GRIA4: variants seen among roughly 807,000 people sequenced by gnomAD.
The protein encoded by GRIA4 is glutamate ionotropic receptor AMPA type subunit 4.
GRIA4 carries 34 observed loss-of-function variants against 104.0 expected under a neutral mutation model. The ratio of observed to expected loss-of-function variants is 0.33; its 90% CI spans 0.25 to 0.44. GRIA4 has a LOEUF of 0.44. Among genes scored for constraint, GRIA4 ranks in the 20% least tolerant of loss-of-function variants. GRIA4 has a pLI of 1.00. For missense variants in GRIA4, 750 were observed against 1,096.5 expected (o/e 0.68, Z 4.46); for synonymous variants, 386 against 381.9 (o/e 1.01, Z -0.13).
chr11:105,843,830 A>G (rs925296673), intron 4 of GRIA4, among the ~76,000 whole-genome samples: 3 of 152,238 alleles, frequency 2.0e-5, no homozygotes, highest in African/African-American at 7.2e-5. Context: ...CTGCCTGGAT[A>G]CTTAAGACCT....
chr11:105,636,705 A>T (rs901261370), intron 3 of GRIA4, among the ~76,000 whole-genome samples: 7 of 152,192 alleles, frequency 4.6e-5, no homozygotes, highest in Non-Finnish European at 1.0e-4. Flanking sequence ...ATGCTTTGGA[A>T]AAAAAGGATG....
chr11:105,905,588 C>A (rs1479477614), intron 9 of GRIA4, among the ~76,000 whole-genome samples: 1 of 152,032 alleles, frequency 6.6e-6, no homozygotes, highest in Non-Finnish European at 1.5e-5. Flanking sequence ...TCCCACAAAA[C>A]AAAATTGGCT....
intron 6 of GRIA4, among the ~76,000 whole-genome samples, chr11:105,888,013 T>C (rs866562065): frequency 3.3e-5 from 5 of 152,288 alleles, no homozygotes; most frequent in Middle Eastern, 6.8e-3. Context: ...TTAAAAATTA[T>C]GTCAACTTTT....
intron 3 of GRIA4, among the ~76,000 whole-genome samples, chr11:105,669,539 T>C (rs556534696): frequency 6.6e-6 from 1 of 152,242 alleles, no homozygotes; most frequent in East Asian, 1.9e-4. Flanking sequence ...AAAGATCAGG[T>C]TCTCTTTTCA....
chr11:105,618,008 G>A (rs1011407688), intron 3 of GRIA4, among the ~76,000 whole-genome samples: 6 of 151,908 alleles, frequency 3.9e-5, no homozygotes, highest in African/African-American at 1.5e-4. Flanking sequence ...AGATCTAGTC[G>A]AGTCATTTGA....
intron 3 of GRIA4, among the ~76,000 whole-genome samples, chr11:105,710,628 T>G (rs1953877334): frequency 1.3e-5 from 2 of 152,166 alleles, no homozygotes; most frequent in Admixed American, 1.3e-4. Flanking sequence ...AGAAAGAGAA[T>G]GGGCCTTGGA....
intron 4 of GRIA4, among the ~76,000 whole-genome samples, chr11:105,783,786 G>A (rs1235763700): frequency 1.5e-5 from 2 of 136,392 alleles, no homozygotes; most frequent in East Asian, 2.2e-4. Context: ...GTGTGTGTGT[G>A]TATGTGTATG....
chr11:105,615,492 T>G (rs959707746), intron 3 of GRIA4, among the ~76,000 whole-genome samples: 6 of 151,798 alleles, frequency 4.0e-5, no homozygotes, highest in Admixed American at 3.9e-4. Context: ...TAATACAAAA[T>G]TATGACCTAT....
Position 105,612,321 on chromosome 11 carries a change from G to T in GRIA4, c.134G>T (p.Arg45Leu). ...RNTDQEYTAF[R>L]LAIFLHNTSP... ...ACAGATCAGGAATACACTGCTTTTC[G>T]ATTAGCAATTTTTCTTCATAACACC... The change falls in exon 3 of 17, where the codon CGA becomes CTA. Residue 45 changes from arginine (R) to leucine (L), a missense_variant. Around this residue, in one of 3 missense-constraint regions of GRIA4, gnomAD observed 410 missense variants for 502.7 expected, o/e 0.82. Coordinates refer to ENST00000282499, the MANE Select transcript of GRIA4 (RefSeq NM_000829.4). The T allele has an allele frequency of 6.2e-7, 1 of 1,614,034 alleles. No homozygotes were observed.
chr11:105,717,490 A>G (rs1426052072), intron 3 of GRIA4, among the ~76,000 whole-genome samples: 8 of 151,978 alleles, frequency 5.3e-5, no homozygotes, highest in Non-Finnish European at 1.2e-4. Context: ...AATTAATCCC[A>G]TGATATATGT....
chr11:105,693,386 T>A (rs543350525), intron 3 of GRIA4, among the ~76,000 whole-genome samples: 7 of 152,290 alleles, frequency 4.6e-5, no homozygotes, highest in South Asian at 2.1e-4. Context: ...ACTAATTTTT[T>A]AAAAATCTCT....
chr11:105,966,165 A>G lies in GRIA4; in HGVS notation c.2295-5749A>G. 3 of 745,950 alleles carry G rather than the reference A, an allele frequency of 4.0e-6. No homozygotes were observed. The East Asian group carries it at 7.8e-5, about 19-fold the overall frequency. The allele number at this position is 745,950 out of a possible 1,614,324, so 46.2% of individuals were successfully genotyped here. ...ACCTCCTAATACCAGTCGAATTGCTAGTCCAGTCCCTTCGCAAACTTACGT... is the reference window on the plus strand; with the variant it reads ...ACCTCCTAATACCAGTCGAATTGCTGGTCCAGTCCCTTCGCAAACTTACGT... On this transcript the variant is annotated intron_variant, in intron 14 of 16. Transcript: ENST00000282499.
In GRIA4 at chr11:105,856,648, G is replaced by C. The variant is rs148045077; in HGVS notation, c.488-5376G>C. 9.2e-5 allele frequency among the ~76,000 whole-genome samples: 14 copies of C among 152,170 alleles called. No homozygotes were observed. In the East Asian group the frequency reaches 2.5e-3, roughly 27 times the overall value. On this transcript the variant is annotated intron_variant, in intron 4 of 16. Coordinates refer to ENST00000282499, the MANE Select transcript of GRIA4 (RefSeq NM_000829.4). ...GTCCAAGTTAAAATCCCACTGCTTT[G>C]GATGAAGGGGTGAAGTAGTAGTAGA... is the stretch of plus-strand genomic sequence containing the variant.
intron 3 of GRIA4, among the ~76,000 whole-genome samples, chr11:105,721,530 T>TATA (rs1478637782): frequency 6.6e-6 from 1 of 152,196 alleles, no homozygotes; most frequent in Non-Finnish European, 1.5e-5. Context: ...AAGGATATTC[T>TATA]ATAATTGGAT....
At chr11:105,749,017 G>A (rs555211098) in intron 3 of GRIA4, among the ~76,000 whole-genome samples, 1 of 152,252 alleles carries the variant, frequency 6.6e-6, no homozygotes, top group East Asian at 1.9e-4. Context: ...AAGGCGGATC[G>A]AGAGAGAATT....
intron 13 of GRIA4, among the ~76,000 whole-genome samples, chr11:105,927,584 A>C (rs894402581): frequency 1.3e-5 from 2 of 152,110 alleles, no homozygotes; most frequent in Non-Finnish European, 2.9e-5. Context: ...ATACATGTAT[A>C]ATTGCATTAT....
chr11:105,659,051 A>G (rs1227799348), intron 3 of GRIA4, among the ~76,000 whole-genome samples: 2 of 152,026 alleles, frequency 1.3e-5, no homozygotes, highest in East Asian at 3.9e-4. Flanking sequence ...CACAGAAACA[A>G]AGCTAAAAAG....
intron 4 of GRIA4, among the ~76,000 whole-genome samples, chr11:105,818,377 G>A (rs956041492): frequency 2.0e-5 from 3 of 152,074 alleles, no homozygotes; most frequent in African/African-American, 7.2e-5. Flanking sequence ...GAGTGGCCTG[G>A]GTAACCTACT....
chr11:105,816,995 G>T (rs1407001359), intron 4 of GRIA4, among the ~76,000 whole-genome samples: 1 of 228 alleles, frequency 4.4e-3, no homozygotes, highest in Non-Finnish European at 8.5e-3. Context: ...ATTCCAGCCT[G>T]GGTAACAAGT....
Sources: gnomAD v4.1 joint callset for allele counts (sites outside exome capture counted in the v4.1 genomes callset) on GRCh38, gnomAD v4.1.1 for gene constraint, gnomAD v4.1.1 regional missense constraint, MANE v1.5 for transcripts, NCBI Gene and HGNC (gene_info 2026-07-23, HGNC 2026-07-21) for gene names.